NCOR1: variants seen among roughly 807,000 people sequenced by gnomAD.
The protein encoded by NCOR1 is nuclear receptor corepressor 1, also known as protein phosphatase 1, regulatory subunit 109.
NCOR1 carries 63 observed loss-of-function variants against 288.1 expected under a neutral mutation model. The ratio of observed to expected loss-of-function variants is 0.22; its 90% CI spans 0.18 to 0.27. The LOEUF (loss-of-function observed/expected upper bound fraction) is 0.27. Among genes scored for constraint, NCOR1 ranks in the 10% least tolerant of loss-of-function variants. The pLI, the probability that NCOR1 is intolerant of heterozygous loss-of-function variation, is 1.00. For synonymous variants in NCOR1, 1,007 were observed against 1,065.9 expected (o/e 0.94, Z 1.08); for missense variants, 2,397 against 3,019.2 (o/e 0.79, Z 4.83).
At chr17:16,033,632 C>CT (rs1246671481) in intron 45 of NCOR1, among the ~76,000 whole-genome samples, 12 of 137,950 alleles carry the variant, frequency 8.7e-5, no homozygotes, top group African/African-American at 3.4e-4. Context: ...CTCTGAAACT[C>CT]TAAAATTCGT....
chr17:16,154,135 C>G (rs910381124), intron 6 of NCOR1, among the ~76,000 whole-genome samples: 1 of 151,390 alleles, frequency 6.6e-6, no homozygotes, highest in Non-Finnish European at 1.5e-5. Context: ...CAAATAATGC[C>G]CCCATCTCAG....
intron 21 of NCOR1, among the ~76,000 whole-genome samples, chr17:16,094,601 C>T (rs1268712215): frequency 6.6e-6 from 1 of 152,122 alleles, no homozygotes; most frequent in African/African-American, 2.4e-5. Context: ...TCCATGGTCT[C>T]CCTCTCATGC....
intron 19 of NCOR1, among the ~76,000 whole-genome samples, chr17:16,107,723 C>T (rs373091067): frequency 1.6e-3 from 238 of 152,266 alleles, no homozygotes; most frequent in Non-Finnish European, 2.7e-3. Flanking sequence ...CATTAACACA[C>T]CAAACTACCT....
At chr17:16,149,594 C>T in intron 8 of NCOR1, 77 bp from the exon 9 acceptor site, 1 of 591,460 alleles carries the variant, frequency 1.7e-6, no homozygotes, top group Non-Finnish European at 2.9e-6. Context: ...TTTCCAGAGA[C>T]ACTGGAAAAT....
At chr17:16,040,819 T>C (rs2057420485) in intron 42 of NCOR1, 1 of 305,646 alleles carries the variant, frequency 3.3e-6, no homozygotes. Flanking sequence ...TGCTTGAGCA[T>C]AGGAATTTGA....
chr17:16,133,727 T>C (rs1334836365), intron 14 of NCOR1, among the ~76,000 whole-genome samples: 1 of 152,204 alleles, frequency 6.6e-6, no homozygotes, highest in Non-Finnish European at 1.5e-5. Flanking sequence ...AGACACCTAA[T>C]AGGTATTTCA....
At chr17:16,153,663 A>G (rs1164332526) in intron 6 of NCOR1, among the ~76,000 whole-genome samples, 1 of 152,216 alleles carries the variant, frequency 6.6e-6, no homozygotes, top group Non-Finnish European at 1.5e-5. Flanking sequence ...TTGTATTGAA[A>G]GCAATGCCTG....
At chr17:16,075,464 G>A (rs1012106545) in intron 27 of NCOR1, 70 bp downstream of exon 27, 33 of 1,522,648 alleles carry the variant, frequency 2.2e-5, no homozygotes, top group African/African-American at 2.1e-4. Context: ...GCAGAAATGC[G>A]GGAAAACCCA....
intron 3 of NCOR1, among the ~76,000 whole-genome samples, chr17:16,177,719 CA>C (rs1555783001): frequency 6.6e-6 from 1 of 152,146 alleles, no homozygotes; most frequent in Non-Finnish European, 1.5e-5. Flanking sequence ...TCTGGCTCAT[CA>C]CTTTACAGAA....
intron 17 of NCOR1, 25 bp from the exon 18 acceptor site, chr17:16,118,052 G>T: frequency 6.2e-7 from 1 of 1,603,200 alleles, no homozygotes; most frequent in Non-Finnish European, 8.5e-7. Context: ...CAGACCAAAT[G>T]TTAATTGAAC....
At chr17:16,056,282 A>G (rs1460492443) in intron 40 of NCOR1, among the ~76,000 whole-genome samples, 1 of 145,042 alleles carries the variant, frequency 6.9e-6, no homozygotes, top group Admixed American at 6.8e-5. Flanking sequence ...CCCATATCTC[A>G]GTCTTGTTCT....
intron 1 of NCOR1, among the ~76,000 whole-genome samples, chr17:16,199,216 A>AACACACACACAC (rs148297225): frequency 8.2e-6 from 1 of 122,320 alleles, no homozygotes; most frequent in African/African-American, 3.3e-5. Flanking sequence ...AAAAAAAAAA[A>AACACACACACAC]ACACACACAC....
chr17:16,057,657 G>C lies in NCOR1; in HGVS notation c.6249C>G (p.Asn2083Lys). Residue 2083 changes from asparagine (N) to lysine (K), a missense_variant, in exon 40 of 46, where the codon AAC (asparagine) becomes AAG (lysine). By Grantham distance (94) the Asn-to-Lys change is moderately conservative (BLOSUM62 0). This residue lies in a region of NCOR1 where 1,872 missense variants were observed against 2,187.8 expected (regional missense o/e 0.86). Coordinates refer to ENST00000268712, the MANE Select transcript of NCOR1 (RefSeq NM_006311.4). ...PQQPPTSTFQ[N>K]SPSALVSTPV... ...GTGTAGATACCAAAGCAGAAGGTGA[G>C]TTCTGGAATGTAGAAGTAGGAGGCT... The C allele has an allele frequency of 6.2e-7, 1 of 1,613,894 alleles. No individual in the cohort carries two copies. Among genetic ancestry groups the C allele is most frequent in the Non-Finnish European group, 8.5e-7 (1 of 1,179,968 alleles).
intron 1 of NCOR1, among the ~76,000 whole-genome samples, chr17:16,199,726 T>G (rs1205530862): frequency 6.6e-6 from 1 of 152,232 alleles, no homozygotes; most frequent in African/African-American, 2.4e-5. Flanking sequence ...TCAGGGTAGT[T>G]ACATGGTTGA....
At chr17:16,135,573 T>G (rs1490506594) in intron 14 of NCOR1, among the ~76,000 whole-genome samples, 3 of 152,206 alleles carry the variant, frequency 2.0e-5, no homozygotes, top group Non-Finnish European at 2.9e-5. Flanking sequence ...CTTCTTCAAC[T>G]CTGTGTAACC....
intron 5 of NCOR1, among the ~76,000 whole-genome samples, chr17:16,164,479 C>T (rs1481278201): frequency 1.3e-5 from 2 of 152,072 alleles, no homozygotes; most frequent in Non-Finnish European, 2.9e-5. Context: ...AGCTCAGCCT[C>T]CTTCCAAACC....
In NCOR1 at chr17:16,113,927, A is replaced by G. The variant is rs76399501; in HGVS notation, c.2055+3961T>C. On this transcript the variant is annotated intron_variant, in intron 18 of 45. Coordinates refer to ENST00000268712, the MANE Select transcript of NCOR1 (RefSeq NM_006311.4). ...GAAAAAAGAAAAAAATCTGTAACCT[A>G]TCTTACGTTTGGTATATTAAAAAAA... is the stretch of plus-strand genomic sequence containing the variant. Among the ~76,000 whole-genome samples the G allele has an allele frequency of 5.1e-4, 78 of 152,018 alleles. No homozygotes were observed. The East Asian group carries it at 0.014, about 27-fold the overall frequency.
chr17:16,153,841 AC>A (rs1241490106), intron 6 of NCOR1, among the ~76,000 whole-genome samples: 1 of 152,102 alleles, frequency 6.6e-6, no homozygotes, highest in Non-Finnish European at 1.5e-5. Context: ...GCCACTCTTT[AC>A]TATGGTGAGC....
Position 16,032,006 on chromosome 17 carries a change from C to T in NCOR1, c.*290G>A. The T allele has an allele frequency of 2.7e-6, 1 of 372,964 alleles. No homozygotes were observed. Among genetic ancestry groups the T allele is most frequent in the Non-Finnish European group, 4.8e-6 (1 of 208,668 alleles). The allele number at this position is 372,964 out of a possible 1,614,324, so 23.1% of individuals were successfully genotyped here. On this transcript the variant is annotated 3_prime_UTR_variant, in exon 46 of 46. Coordinates refer to ENST00000268712, the MANE Select transcript of NCOR1 (RefSeq NM_006311.4). ...TTTAAAGACATTATGGTTTTCTTTA[C>T]AGATGTAAGAACAGCAACTGTTCAC...
Sources: allele counts gnomAD v4.1 joint callset (sites outside exome capture counted in the v4.1 genomes callset), GRCh38; gene constraint gnomAD v4.1.1; regional missense constraint gnomAD v4.1.1; transcripts MANE v1.5; gene names NCBI Gene and HGNC (gene_info 2026-07-23, HGNC 2026-07-21).